ARHGAP11A: variants seen among roughly 807,000 people sequenced by gnomAD.
The protein encoded by ARHGAP11A is Rho GTPase activating protein 11A.
ARHGAP11A carries 36 observed loss-of-function variants against 60.5 expected under a neutral mutation model. That is an observed-to-expected ratio of 0.59 (90% CI 0.46 to 0.79). The LOEUF is 0.79. Among genes scored for constraint, ARHGAP11A ranks in the 30% least tolerant of loss-of-function variants. The pLI, the probability that ARHGAP11A is intolerant of heterozygous loss-of-function variation, is 0.00. For missense variants in ARHGAP11A, 1,071 were observed against 1,199.2 expected (o/e 0.89, Z 1.58); for synonymous variants, 362 against 415.5 (o/e 0.87, Z 1.57).
intron 6 of ARHGAP11A, 85 bp downstream of exon 6, chr15:32,625,718 A>T: frequency 7.0e-7 from 1 of 1,438,330 alleles, no homozygotes; most frequent in Non-Finnish European, 9.4e-7. Context: ...GAACTGTGGT[A>T]TGTGCCTTTT....
rs2053810054 is a variant in ARHGAP11A at position 32,639,838 on chromosome 15, C to T, written c.*1993C>T. ...TACAAAATAGAGATAATGTTGCTAA[C>T]TTCATGGAATATTTGAGGAAATGAT... is the stretch of plus-strand genomic sequence containing the variant. On this transcript the variant is annotated 3_prime_UTR_variant, in exon 12 of 12. Coordinates refer to ENST00000361627, the MANE Select transcript of ARHGAP11A (RefSeq NM_014783.6). 1 of 152,136 alleles carries T rather than the reference C, an allele frequency of 6.6e-6. No homozygotes were observed. The highest frequency in any genetic ancestry group is 6.5e-5 in the Admixed American group (1 of 15,282). The allele number at this position is 152,136 out of a possible 1,614,324, so 9.4% of individuals were successfully genotyped here.
intron 1 of ARHGAP11A, among the ~76,000 whole-genome samples, chr15:32,617,503 C>A (rs1289192999): frequency 2.2e-5 from 3 of 133,706 alleles, no homozygotes; most frequent in Admixed American, 7.9e-5. Context: ...ATGGAGTCTC[C>A]CTCTGTCGCC....
intron 1 of ARHGAP11A, among the ~76,000 whole-genome samples, chr15:32,616,954 C>T (rs2053167185): frequency 6.6e-6 from 1 of 152,160 alleles, no homozygotes; most frequent in Non-Finnish European, 1.5e-5. Flanking sequence ...ACTTTTGGGA[C>T]AGTAAATTTT....
Position 32,637,833 on chromosome 15 carries a change from T to C in ARHGAP11A, c.3060T>C (p.Pro1020=). The change falls in exon 12 of 12, where the codon CCT becomes CCC. Residue 1020 remains proline (P), a synonymous_variant. Transcript: ENST00000361627. ...GKTQLLPTSK[P]VDL ...CTCAATTACTACCAACAAGTAAACCTGTAGATTTGTAATTGGTAAATGTTA... is the reference window on the plus strand; with the variant it reads ...CTCAATTACTACCAACAAGTAAACCCGTAGATTTGTAATTGGTAAATGTTA... 1 of 1,590,384 alleles carries C rather than the reference T, an allele frequency of 6.3e-7. No homozygotes were observed. Among genetic ancestry groups the C allele is most frequent in the Non-Finnish European group, 8.5e-7 (1 of 1,171,106 alleles).
chr15:32,623,413 C>T, intron 2 of ARHGAP11A, 79 bp from the exon 3 acceptor site: 1 of 1,349,646 alleles, frequency 7.4e-7, no homozygotes, highest in Non-Finnish European at 1.0e-6. Context: ...GTACGTAGTG[C>T]TTGGCCTGCT....
chr15:32,626,087 T>C (rs2053452839), intron 6 of ARHGAP11A, among the ~76,000 whole-genome samples: 2 of 152,230 alleles, frequency 1.3e-5, no homozygotes, highest in African/African-American at 4.8e-5. Flanking sequence ...GATGGTATTA[T>C]GGTAAACTTA....
intron 1 of ARHGAP11A, among the ~76,000 whole-genome samples, chr15:32,618,765 C>G (rs1045713565): frequency 5.1e-4 from 72 of 140,692 alleles, no homozygotes; most frequent in African/African-American, 1.5e-3. Flanking sequence ...GAAACCCCCC[C>G]CCCCCCGCCC....
chr15:32,617,306 G>T (rs181723437), intron 1 of ARHGAP11A, among the ~76,000 whole-genome samples: 2,492 of 151,728 alleles, frequency 0.016, 74 homozygotes, highest in African/African-American at 0.057. Context: ...AGTTATTTTT[G>T]TTGGTAGCAA....
rs530913844 is a variant in ARHGAP11A, at chr15:32,636,880, A to G, written c.2107A>G (p.Ile703Val). 3 of 1,613,028 alleles carry G rather than the reference A, an allele frequency of 1.9e-6. No homozygotes were observed. The Admixed American group carries it at 5.0e-5, about 27-fold the overall frequency. ...GATGAAGATGGAACATGAAAAAGACATTCATTCAAATATGCCAAAAGATTA... is the reference window on the plus strand; with the variant it reads ...GATGAAGATGGAACATGAAAAAGACGTTCATTCAAATATGCCAAAAGATTA... The part of the protein sequence containing the change: ...TQMKMEHEKD[I>V]HSNMPKDYLS... Residue 703 changes from isoleucine (I) to valine (V), a missense_variant, in exon 12 of 12, where the codon ATT (isoleucine) becomes GTT (valine). Ile to Val is a conservative substitution (Grantham distance 29). Around this residue, in one of 4 missense-constraint regions of ARHGAP11A, gnomAD observed 776 missense variants for 760.2 expected, o/e 1.02. Coordinates refer to ENST00000361627, the MANE Select transcript of ARHGAP11A (RefSeq NM_014783.6).
At chr15:32,635,752 CTA>C (rs2053691586) in intron 10 of ARHGAP11A, 23 bp from the exon 11 acceptor site, 1 of 1,471,514 alleles carries the variant, frequency 6.8e-7, no homozygotes, top group African/African-American at 1.4e-5. Flanking sequence ...TATTTCTTAA[CTA>C]AAACTTTTTT....
At chr15:32,616,426 A>G (rs1362937255) in intron 1 of ARHGAP11A, 86 bp downstream of exon 1, 1 of 1,578,366 alleles carries the variant, frequency 6.3e-7, no homozygotes, top group African/African-American at 1.4e-5. Flanking sequence ...TAAAATGTTC[A>G]CTCTGTGTAT....
Position 32,637,799 on chromosome 15 carries a change from T to C in ARHGAP11A, c.3026T>C (p.Ile1009Thr), listed in dbSNP as rs995487908. 2 of 1,606,306 alleles carry C rather than the reference T, an allele frequency of 1.2e-6. No individual in the cohort carries two copies. Among genetic ancestry groups the C allele is most frequent in the Non-Finnish European group, 1.7e-6 (2 of 1,177,694 alleles). ...AWYKGSPKHPIGKTQLLPTSK... is the reference protein window; with the variant it reads ...AWYKGSPKHPTGKTQLLPTSK... ...TACAAAGGTTCTCCAAAACATCCTA[T>C]CGGAAAAACTCAATTACTACCAACA... Residue 1009 changes from isoleucine to threonine, a missense_variant, in exon 12 of 12, where the codon ATC (isoleucine) becomes ACC (threonine). Physicochemically the swap from Ile to Thr is moderately conservative, Grantham distance 89. Transcript: ENST00000361627.
At chr15:32,617,952 A>G (rs1251739225) in intron 1 of ARHGAP11A, among the ~76,000 whole-genome samples, 1 of 152,180 alleles carries the variant, frequency 6.6e-6, no homozygotes, top group Non-Finnish European at 1.5e-5. Flanking sequence ...AGGGATTTTT[A>G]AAAAGTGAAG....
At chr15:32,618,774 C>G (rs1194549274) in intron 1 of ARHGAP11A, among the ~76,000 whole-genome samples, 1 of 125,594 alleles carries the variant, frequency 8.0e-6, no homozygotes, top group African/African-American at 3.1e-5. Flanking sequence ...CCCCCCCCGC[C>G]CCACGTCTCT....
At chr15:32,626,090 T>G (rs2053452893) in intron 6 of ARHGAP11A, among the ~76,000 whole-genome samples, 1 of 152,222 alleles carries the variant, frequency 6.6e-6, no homozygotes, top group Admixed American at 6.5e-5. Flanking sequence ...GGTATTATGG[T>G]AAACTTAATG....
At chr15:32,621,844 A>AG (rs2053325702) in intron 2 of ARHGAP11A, among the ~76,000 whole-genome samples, 1 of 152,280 alleles carries the variant, frequency 6.6e-6, no homozygotes, top group Admixed American at 6.5e-5. Flanking sequence ...AAAAAAGAAA[A>AG]AAAAAGAATG....
chr15:32,632,111 G>A (rs976411971), intron 8 of ARHGAP11A, among the ~76,000 whole-genome samples: 1 of 152,048 alleles, frequency 6.6e-6, no homozygotes, highest in Non-Finnish European at 1.5e-5. Flanking sequence ...TATTTTTTCC[G>A]TTTTCATAAT....
rs568038854 is a variant in ARHGAP11A, at chr15:32,628,459, A to G, written c.863-269A>G. 1.1e-3 allele frequency among the ~76,000 whole-genome samples: 161 copies of G among 151,212 alleles called. 1 individual carries two copies. The highest frequency in any genetic ancestry group is 3.8e-3 in the African/African-American group (156 of 41,184). On this transcript the variant is annotated intron_variant, in intron 6 of 11. Transcript: ENST00000361627. ...AACATGTAATGATTTCTTTTTCCCT[A>G]CCCTTACTGTACATTATATGTATTT...
At chr15:32,625,389 A>G in intron 5 of ARHGAP11A, 98 bp from the exon 6 acceptor site, 1 of 1,510,566 alleles carries the variant, frequency 6.6e-7, no homozygotes, top group Non-Finnish European at 8.9e-7. Flanking sequence ...TCCTGCAAAG[A>G]AAAAAAGAAA....
Sources: gnomAD v4.1 joint callset for allele counts (sites outside exome capture counted in the v4.1 genomes callset) on GRCh38, gnomAD v4.1.1 for gene constraint, gnomAD v4.1.1 regional missense constraint, MANE v1.5 for transcripts, NCBI Gene and HGNC (gene_info 2026-07-23, HGNC 2026-07-21) for gene names.